The following GNAO1 variants were observed in gnomAD, a reference collection of about 807,000 sequenced individuals.
GNAO1 encodes G protein subunit alpha o1.
For synonymous variants in GNAO1, 164 were observed against 180.7 expected (o/e 0.91, Z 0.74); for missense variants, 166 against 478.7 (o/e 0.35, Z 6.10).
At chr16:56,291,991 G>T (rs1236693703) in intron 3 of GNAO1, among the ~76,000 whole-genome samples, 2 of 152,134 alleles carry the variant, frequency 1.3e-5, no homozygotes, top group Non-Finnish European at 2.9e-5. Flanking sequence ...AATTGTGGAC[G>T]GACACAGATA....
intron 2 of GNAO1, among the ~76,000 whole-genome samples, chr16:56,199,912 G>T (rs1186216089): frequency 6.6e-6 from 1 of 152,186 alleles, no homozygotes; most frequent in African/African-American, 2.4e-5. Context: ...AATAGTTGGT[G>T]CCCTGAATTT....
chr16:56,347,788 T>A, intron 6 of GNAO1: 1 of 715,914 alleles, frequency 1.4e-6, no homozygotes, highest in Non-Finnish European at 1.6e-6. Flanking sequence ...CTTTCCCTCC[T>A]CTCCCCTCCC....
intron 7 of GNAO1, chr16:56,352,359 A>C (rs2037931578): frequency 6.6e-6 from 1 of 152,366 alleles, no homozygotes; most frequent in Non-Finnish European, 1.5e-5. Flanking sequence ...GCTAATGCCT[A>C]AAAGCAGCAC....
At position 56,298,104 on chromosome 16, in the gene GNAO1, C is replaced by T. The variant is rs935600955; in HGVS notation, c.303+22032C>T. Among the ~76,000 whole-genome samples, 5 of 152,040 alleles carry T rather than the reference C, an allele frequency of 3.3e-5. No individual in the cohort carries two copies. In the East Asian group the frequency reaches 7.7e-4, roughly 23 times the overall value. On this transcript the variant is annotated intron_variant, in intron 3 of 8. Transcript: ENST00000262493. ...GGAGGATCACTTGAGCCCAGGAGGT[C>T]GAGGCTACGGTAAGCCATGTTCACG...
chr16:56,340,959 G>A lies in GNAO1; in HGVS notation c.723+4099G>A, dbSNP rs116277860. 2,814 of 1,613,890 alleles carry A rather than the reference G, an allele frequency of 1.7e-3. 49 individuals are homozygous for A. The African/African-American group carries it at 0.033, about 19-fold the overall frequency. The stretch of plus-strand genomic sequence containing the variant: ...TTGAAGAGAAGATCAAGAAGTCCCC[G>A]CTCACCATCTGCTTTCCTGAATATA... On this transcript the variant is annotated intron_variant, in intron 6 of 8. Coordinates refer to ENST00000262493, the MANE Select transcript of GNAO1 (RefSeq NM_020988.3).
chr16:56,319,293 C>T (rs2037547200), intron 3 of GNAO1, among the ~76,000 whole-genome samples: 1 of 152,168 alleles, frequency 6.6e-6, no homozygotes, highest in African/African-American at 2.4e-5. Context: ...CTCAGGTTCT[C>T]TTGGTCACCA....
In GNAO1 at chr16:56,328,832, G is replaced by C. The variant is rs764719250; in HGVS notation, c.464+41G>C. 5.0e-6 allele frequency: 8 copies of C among 1,601,450 alleles called. No individual in the cohort carries two copies. The South Asian group carries it at 8.8e-5, about 18-fold the overall frequency. The stretch of plus-strand genomic sequence containing the variant: ...GGCGCATGGCCTGGAGCCGGGCAGT[G>C]ATGCGGGAGTGGAAGGGACTGGTGA... On this transcript the variant is annotated intron_variant, in intron 4 of 8. Transcript: ENST00000262493.
At chr16:56,337,484 C>T (rs1313183071) in intron 6 of GNAO1, among the ~76,000 whole-genome samples, 15 of 152,202 alleles carry the variant, frequency 9.9e-5, no homozygotes, top group Admixed American at 2.6e-4. Context: ...TACCTTCTGT[C>T]TTGCGTCACA....
intron 2 of GNAO1, among the ~76,000 whole-genome samples, chr16:56,266,772 A>C (rs901675652): frequency 6.6e-6 from 1 of 152,232 alleles, no homozygotes; most frequent in East Asian, 1.9e-4. Context: ...ACCTAGACTC[A>C]GGGAGGTTGA....
intron 3 of GNAO1, among the ~76,000 whole-genome samples, chr16:56,292,714 A>G (rs1167122849): frequency 1.3e-5 from 2 of 152,218 alleles, no homozygotes; most frequent in Non-Finnish European, 2.9e-5. Context: ...CAGCATGTTC[A>G]TGGCTTATGA....
chr16:56,212,280 G>T (rs11647097), intron 2 of GNAO1, among the ~76,000 whole-genome samples: 21,315 of 152,154 alleles, frequency 0.14, 2,004 homozygotes, highest in African/African-American at 0.26. Flanking sequence ...CCTTTGTCCC[G>T]ATGGCTCCAA....
intron 3 of GNAO1, among the ~76,000 whole-genome samples, chr16:56,313,058 T>A (rs976968507): frequency 2.0e-5 from 3 of 152,258 alleles, no homozygotes; most frequent in Non-Finnish European, 4.4e-5. Flanking sequence ...GTTATTCTTA[T>A]GGGTGTTTTC....
chr16:56,265,166 C>T (rs1436022083), intron 2 of GNAO1, among the ~76,000 whole-genome samples: 1 of 152,246 alleles, frequency 6.6e-6, no homozygotes, highest in African/African-American at 2.4e-5. Flanking sequence ...CATTCGTGAG[C>T]AGCCCAAATG....
Position 56,346,301 on chromosome 16 carries a change from G to A in GNAO1, c.724-5083G>A, listed in dbSNP as rs962982267. 5.1e-6 allele frequency: 5 copies of A among 985,358 alleles called. No homozygotes were observed. In the African/African-American group the frequency reaches 8.7e-5, roughly 17 times the overall value. The allele number at this position is 985,358 out of a possible 1,614,324, so 61.0% of individuals were successfully genotyped here. A position where few individuals can be genotyped will look rare whatever the true frequency, so the allele number is the denominator to read the frequency against. On this transcript the variant is annotated intron_variant, in intron 6 of 8. Transcript: ENST00000262493. ...TGGCTCCGTCGTGGATGTGGATGTG[G>A]GAGGAATGTTGCGAGTGACACGTGT...
At chr16:56,284,406 A>C (rs1333392453) in intron 3 of GNAO1, among the ~76,000 whole-genome samples, 1 of 152,216 alleles carries the variant, frequency 6.6e-6, no homozygotes, top group Non-Finnish European at 1.5e-5. Flanking sequence ...AAGGAGCCTG[A>C]GACCCGGCTA....
intron 2 of GNAO1, among the ~76,000 whole-genome samples, chr16:56,238,743 A>G (rs1468977271): frequency 6.6e-6 from 1 of 152,246 alleles, no homozygotes; most frequent in Non-Finnish European, 1.5e-5. Flanking sequence ...TTGTTACACA[A>G]TTAATGCTTA....
intron 2 of GNAO1, among the ~76,000 whole-genome samples, chr16:56,204,199 G>A (rs1293484080): frequency 1.3e-5 from 2 of 152,194 alleles, no homozygotes; most frequent in Non-Finnish European, 2.9e-5. Flanking sequence ...CATCAAGTTA[G>A]GAAACACAGG....
chr16:56,254,278 A>G (rs1321042496), intron 2 of GNAO1, among the ~76,000 whole-genome samples: 2 of 152,150 alleles, frequency 1.3e-5, no homozygotes, highest in African/African-American at 2.4e-5. Context: ...TGAAATAGAC[A>G]TCTTTGAAAT....
At chr16:56,348,491 G>A (rs1199951826) in intron 6 of GNAO1, among the ~76,000 whole-genome samples, 1 of 152,238 alleles carries the variant, frequency 6.6e-6, no homozygotes, top group Admixed American at 6.5e-5. Flanking sequence ...CCATGGTTGC[G>A]CTGGCACTGC....
Sources: gnomAD v4.1 joint callset for allele counts (sites outside exome capture counted in the v4.1 genomes callset) on GRCh38, gnomAD v4.1.1 for gene constraint, MANE v1.5 for transcripts, NCBI Gene and HGNC (gene_info 2026-07-23, HGNC 2026-07-21) for gene names.